ATF7IP2: variants seen among roughly 807,000 people sequenced by gnomAD.
The protein encoded by ATF7IP2 is activating transcription factor 7-interacting protein 2.
A neutral mutation model predicts 64.2 loss-of-function variants in ATF7IP2; 42 were observed. The ratio of observed to expected loss-of-function variants is 0.65; its 90% confidence interval spans 0.51 to 0.85. The LOEUF is 0.85. Among genes scored for constraint, ATF7IP2 ranks in the 40% least tolerant of loss-of-function variants. The pLI, the probability that ATF7IP2 is intolerant of heterozygous loss-of-function variation, is 0.00. For synonymous variants in ATF7IP2, 308 were observed against 272.8 expected, an observed-to-expected ratio of 1.13 and a Z score of -1.27; for missense variants, 933 against 784.2, an observed-to-expected ratio of 1.19 and a Z score of -2.27.
intron 3 of ATF7IP2, 115 bp downstream of exon 3, chr16:10,419,738 A>G (rs1213793455): frequency 6.6e-6 from 1 of 152,248 alleles, no homozygotes; most frequent in Non-Finnish European, 1.5e-5. Context: ...CCTCTTCCGG[A>G]GTATCTGGCT....
chr16:10,433,628 G>T lies in ATF7IP2; in HGVS notation c.939G>T (p.Arg313Ser), dbSNP rs1474511123. 6.2e-7 allele frequency: 1 copy of T among 1,613,704 alleles called. No homozygotes were observed. The highest frequency in any genetic ancestry group is 8.5e-7 in the Non-Finnish European group (1 of 1,179,772). ...AAAATATTTGTGTAAGTTTGGAAAG[G>T]CAAACAGCATTCCTGGAACAGGTAA... ...INENICVSLE[R>S]QTAFLEQVRH... The change falls in exon 6 of 14, where the codon AGG becomes AGT. Residue 313 changes from arginine (R) to serine (S), a missense_variant. Coordinates refer to ENST00000562102, the MANE Select transcript of ATF7IP2 (RefSeq NM_001393719.1).
chr16:10,474,758 T>C (rs1256534172), intron 12 of ATF7IP2, among the ~76,000 whole-genome samples: 3 of 151,982 alleles, frequency 2.0e-5, no homozygotes, highest in African/African-American at 7.3e-5. Context: ...TGAAATCCAG[T>C]GATAAGGAGA....
intron 1 of ATF7IP2, among the ~76,000 whole-genome samples, chr16:10,404,387 G>A (rs1023762711): frequency 1.3e-5 from 2 of 152,086 alleles, no homozygotes; most frequent in Admixed American, 6.6e-5. Context: ...CGAGTAGCTG[G>A]GATTACAGGT....
intron 8 of ATF7IP2, chr16:10,449,529 C>A (rs2048918140): frequency 6.6e-6 from 1 of 152,130 alleles, no homozygotes; most frequent in Non-Finnish European, 1.5e-5. Flanking sequence ...CTGCTTTAGA[C>A]TTGGGAGGGT....
In ATF7IP2 at chr16:10,482,920, G is replaced by A. The variant is rs1297477846; in HGVS notation, c.*671G>A. On this transcript the variant is annotated 3_prime_UTR_variant, in exon 14 of 14. Coordinates refer to ENST00000562102, the MANE Select transcript of ATF7IP2 (RefSeq NM_001393719.1). ...GTAGAGATGAGGTTTCACCTTGTTGGTCAGGCTGGTCTCAAACTCCTGACC... is the reference window on the plus strand; with the variant it reads ...GTAGAGATGAGGTTTCACCTTGTTGATCAGGCTGGTCTCAAACTCCTGACC... 6.6e-6 allele frequency: 1 copy of A among 152,180 alleles called. No individual in the cohort carries two copies. The highest frequency in any genetic ancestry group is 2.4e-5 in the African/African-American group (1 of 41,422). The allele number at this position is 152,180 out of a possible 1,614,324, so 9.4% of individuals were successfully genotyped here. A position where few individuals can be genotyped will look rare whatever the true frequency, so the allele number is the denominator to read the frequency against.
At chr16:10,404,245 A>G (rs2047589739) in intron 1 of ATF7IP2, among the ~76,000 whole-genome samples, 1 of 152,200 alleles carries the variant, frequency 6.6e-6, no homozygotes, top group Non-Finnish European at 1.5e-5. Flanking sequence ...GTACTTGTCA[A>G]CAATAATCTT....
intron 1 of ATF7IP2, among the ~76,000 whole-genome samples, chr16:10,409,194 A>G (rs1358540060): frequency 2.6e-5 from 4 of 152,076 alleles, no homozygotes; most frequent in Non-Finnish European, 4.4e-5. Context: ...TAAGGAAGGG[A>G]AGGGGGATGT....
intron 8 of ATF7IP2, 66 bp downstream of exon 8, chr16:10,440,528 A>C: frequency 1.1e-6 from 1 of 915,774 alleles, no homozygotes; most frequent in Non-Finnish European, 1.7e-6. Flanking sequence ...GATTAGAAGA[A>C]ATGAATATAT....
chr16:10,435,529 ATTGTGTC>A (rs2048392552), intron 6 of ATF7IP2, among the ~76,000 whole-genome samples: 1 of 152,192 alleles, frequency 6.6e-6, no homozygotes, highest in African/African-American at 2.4e-5. Flanking sequence ...GATGGAGGTT[ATTGTGTC>A]TTCCTTTTGT....
chr16:10,422,011 C>A (rs1417273702), intron 3 of ATF7IP2, among the ~76,000 whole-genome samples: 1 of 152,178 alleles, frequency 6.6e-6, no homozygotes, highest in African/African-American at 2.4e-5. Context: ...CTGCAATGCC[C>A]CCATAGGTTG....
intron 9 of ATF7IP2, among the ~76,000 whole-genome samples, chr16:10,463,113 C>G (rs1418587626): frequency 6.6e-6 from 1 of 152,152 alleles, no homozygotes. Flanking sequence ...CTATCTGGGT[C>G]ACTTTGAACT....
chr16:10,397,640 G>A (rs2047445369), intron 1 of ATF7IP2, among the ~76,000 whole-genome samples: 1 of 152,118 alleles, frequency 6.6e-6, no homozygotes, highest in Non-Finnish European at 1.5e-5. Context: ...ACTTTGGGAG[G>A]CCAAAGCGGG....
chr16:10,386,572 G>A (rs2047208282), intron 1 of ATF7IP2: 2 of 152,132 alleles, frequency 1.3e-5, no homozygotes, highest in Non-Finnish European at 2.9e-5. Flanking sequence ...ATCTAATGAA[G>A]TCAGGTGCCA....
At chr16:10,436,648 A>C (rs1429141464) in intron 6 of ATF7IP2, among the ~76,000 whole-genome samples, 1 of 152,216 alleles carries the variant, frequency 6.6e-6, no homozygotes, top group Admixed American at 6.5e-5. Context: ...CGTAGGAACT[A>C]TGTGTTCTAT....
chr16:10,426,835 T>C (rs1426445444), intron 3 of ATF7IP2, among the ~76,000 whole-genome samples: 3 of 152,094 alleles, frequency 2.0e-5, no homozygotes, highest in Non-Finnish European at 2.9e-5. Context: ...GAATATGTTT[T>C]TGGTTTTTGG....
intron 1 of ATF7IP2, 42 bp downstream of exon 1, chr16:10,386,164 G>T (rs2047198651): frequency 6.6e-6 from 1 of 152,476 alleles, no homozygotes; most frequent in African/African-American, 2.4e-5. Context: ...AGCGGCGATT[G>T]GCGGGGTGGC....
intron 13 of ATF7IP2, among the ~76,000 whole-genome samples, chr16:10,481,351 C>CTCCCGAGTAGCTGGGATT (rs143196677): frequency 4.6e-4 from 69 of 151,272 alleles, no homozygotes; most frequent in African/African-American, 1.5e-3. Context: ...CTGCCTCAGC[C>CTCCCGAGTAGCTGGGATT]TCCCGAGTAG....
intron 9 of ATF7IP2, among the ~76,000 whole-genome samples, chr16:10,466,515 C>G (rs143550199): frequency 6.6e-6 from 1 of 151,968 alleles, no homozygotes; most frequent in Non-Finnish European, 1.5e-5. Context: ...TTTATTACTG[C>G]GTATCCTTGC....
At chr16:10,406,890 A>G (rs899588165) in intron 1 of ATF7IP2, among the ~76,000 whole-genome samples, 1 of 152,216 alleles carries the variant, frequency 6.6e-6, no homozygotes, top group African/African-American at 2.4e-5. Context: ...TGAGGAGGTA[A>G]TACTTCCAAA....
Sources: gnomAD v4.1 joint callset for allele counts (sites outside exome capture counted in the v4.1 genomes callset) on GRCh38, gnomAD v4.1.1 for gene constraint, MANE v1.5 for transcripts, NCBI Gene and HGNC (gene_info 2026-07-23, HGNC 2026-07-21) for gene names.